The following RBFOX1 variants were observed in gnomAD, a reference collection of about 807,000 sequenced individuals.
RBFOX1 encodes RNA binding protein fox-1 homolog 1.
In RBFOX1, 8 loss-of-function variants were observed where a neutral mutation model predicts 57.7. The observed-to-expected ratio is 0.14, with a 90% CI of 0.08 to 0.25. RBFOX1 has a LOEUF of 0.25. RBFOX1 is among the 10% of genes least tolerant of loss of function. RBFOX1 has a pLI of 1.00. For missense variants in RBFOX1, 611 were observed against 548.5 expected (o/e 1.11, Z -1.14); for synonymous variants, 326 against 222.4 (o/e 1.47, Z -4.15).
intron 5 of RBFOX1, among the ~76,000 whole-genome samples, chr16:7,572,199 C>T (rs1040550822): frequency 6.6e-6 from 1 of 152,186 alleles, no homozygotes; most frequent in African/African-American, 2.4e-5. Context: ...ATACAAGGGA[C>T]TTAACCATTC....
intron 2 of RBFOX1, among the ~76,000 whole-genome samples, chr16:6,386,665 C>G (rs966117071): frequency 6.6e-6 from 1 of 152,166 alleles, no homozygotes; most frequent in Non-Finnish European, 1.5e-5. Flanking sequence ...TTTAGTATCT[C>G]CAGTTGTTAA....
intron 5 of RBFOX1, among the ~76,000 whole-genome samples, chr16:7,558,808 G>C (rs1361070658): frequency 6.6e-6 from 1 of 152,162 alleles, no homozygotes; most frequent in Non-Finnish European, 1.5e-5. Flanking sequence ...AATGCCATAA[G>C]CCTTTCTGAG....
At chr16:6,515,810 C>A (rs930951711) in intron 2 of RBFOX1, among the ~76,000 whole-genome samples, 1 of 152,086 alleles carries the variant, frequency 6.6e-6, no homozygotes, top group African/African-American at 2.4e-5. Context: ...CCTTCATCCG[C>A]CTGAAGTCTC....
At chr16:7,531,129 C>G (rs1038385808) in intron 5 of RBFOX1, among the ~76,000 whole-genome samples, 3 of 152,092 alleles carry the variant, frequency 2.0e-5, no homozygotes, top group Non-Finnish European at 4.4e-5. Flanking sequence ...AGGCAATTTT[C>G]TTGTAAAAAT....
intron 4 of RBFOX1, among the ~76,000 whole-genome samples, chr16:5,990,407 A>C (rs765964772): frequency 1.4e-4 from 22 of 152,206 alleles, no homozygotes; most frequent in Non-Finnish European, 2.9e-4. Context: ...AAAGCATTTC[A>C]AGTACGTGTT....
At chr16:5,430,282 G>A (rs564157062) in intron 1 of RBFOX1, among the ~76,000 whole-genome samples, 1 of 152,288 alleles carries the variant, frequency 6.6e-6, no homozygotes, top group East Asian at 1.9e-4. Flanking sequence ...GGGGTCAGGG[G>A]AGGCCTCTCA....
At chr16:5,802,481 T>G (rs952531749) in intron 3 of RBFOX1, among the ~76,000 whole-genome samples, 6 of 152,108 alleles carry the variant, frequency 3.9e-5, no homozygotes, top group African/African-American at 1.4e-4. Context: ...TTAAAGTGAT[T>G]CTTGGCCCTT....
At chr16:6,348,215 A>G (rs554572407) in intron 2 of RBFOX1, among the ~76,000 whole-genome samples, 94 of 152,322 alleles carry the variant, frequency 6.2e-4, no homozygotes, top group African/African-American at 2.2e-3. Flanking sequence ...GGGTCAGGCC[A>G]TCCAGGTTCA....
In RBFOX1 at chr16:7,391,631, A is replaced by G. The variant is rs149548018; in HGVS notation, c.28-126516A>G. Among the ~76,000 whole-genome samples, 568 of 152,310 alleles carry G rather than the reference A, an allele frequency of 3.7e-3. 3 individuals are homozygous for G. The highest frequency in any genetic ancestry group is 6.0e-3 in the Non-Finnish European group (409 of 68,018). The stretch of plus-strand genomic sequence containing the variant: ...CATTTGTAGCTTGCATCATCATTTC[A>G]GTTTTACAACTTTTTATGTAATGAT... On this transcript the variant is annotated intron_variant, in intron 4 of 15. Transcript: ENST00000550418.
intron 2 of RBFOX1, among the ~76,000 whole-genome samples, chr16:6,549,289 G>A (rs551823292): frequency 1.5e-4 from 1 of 6,594 alleles, no homozygotes; most frequent in Non-Finnish European, 4.1e-4. Context: ...GAGGAGGGAG[G>A]AGTAGGAGGG....
intron 2 of RBFOX1, among the ~76,000 whole-genome samples, chr16:6,391,819 C>T (rs879390880): frequency 1.3e-5 from 2 of 152,082 alleles, no homozygotes; most frequent in Non-Finnish European, 2.9e-5. Flanking sequence ...CTCCCATCCT[C>T]GAAGAGCTCA....
chr16:7,515,896 G>T (rs533307129), intron 4 of RBFOX1, among the ~76,000 whole-genome samples: 1 of 152,254 alleles, frequency 6.6e-6, no homozygotes, highest in Admixed American at 6.5e-5. Flanking sequence ...CCAGGCTGGA[G>T]TGCAGTGGTG....
At chr16:7,133,063 G>T (rs145625451) in intron 4 of RBFOX1, among the ~76,000 whole-genome samples, 52 of 152,256 alleles carry the variant, frequency 3.4e-4, no homozygotes, top group African/African-American at 1.2e-3. Flanking sequence ...TTGCGTTTCA[G>T]AAGTGACCTT....
At chr16:5,662,183 C>A (rs1419209023) in intron 3 of RBFOX1, among the ~76,000 whole-genome samples, 2 of 152,150 alleles carry the variant, frequency 1.3e-5, no homozygotes, top group Non-Finnish European at 2.9e-5. Flanking sequence ...GGATTCGTAT[C>A]AAAGTTGATA....
At chr16:7,386,541 C>A (rs1333953451) in intron 4 of RBFOX1, among the ~76,000 whole-genome samples, 1 of 151,962 alleles carries the variant, frequency 6.6e-6, no homozygotes, top group Non-Finnish European at 1.5e-5. Context: ...CATGTCCCTG[C>A]AAAGGACATG....
intron 4 of RBFOX1, among the ~76,000 whole-genome samples, chr16:5,995,065 C>G (rs1455460223): frequency 1.3e-5 from 2 of 152,148 alleles, no homozygotes; most frequent in African/African-American, 4.8e-5. Flanking sequence ...TAAATGAGTT[C>G]CAAATAGATG....
intron 4 of RBFOX1, among the ~76,000 whole-genome samples, chr16:7,378,772 A>T (rs1269469193): frequency 6.6e-6 from 1 of 152,168 alleles, no homozygotes; most frequent in Non-Finnish European, 1.5e-5. Context: ...ACTGCAGAAC[A>T]CGGACACTCT....
intron 1 of RBFOX1, chr16:5,240,224 G>A (rs1483812091): frequency 1.5e-6 from 1 of 648,474 alleles, no homozygotes; most frequent in Admixed American, 2.2e-5. Flanking sequence ...TAACTGAGTG[G>A]CAACTCCGGC....
At chr16:6,781,940 T>C (rs1289847260) in intron 3 of RBFOX1, among the ~76,000 whole-genome samples, 1 of 152,184 alleles carries the variant, frequency 6.6e-6, no homozygotes, top group Admixed American at 6.5e-5. Flanking sequence ...TGACTAGTTT[T>C]GGGTTTAGCC....
Sources: gnomAD v4.1 joint callset for allele counts (sites outside exome capture counted in the v4.1 genomes callset) on GRCh38, gnomAD v4.1.1 for gene constraint, MANE v1.5 for transcripts, NCBI Gene and HGNC (gene_info 2026-07-23, HGNC 2026-07-21) for gene names.